ZMIZ1: variants seen among roughly 807,000 people sequenced by gnomAD.
ZMIZ1 encodes zinc finger MIZ domain-containing protein 1.
ZMIZ1 carries 17 observed loss-of-function variants against 113.9 expected under a neutral mutation model. The ratio of observed to expected loss-of-function variants is 0.15; its 90% CI spans 0.10 to 0.22. The LOEUF is 0.22. ZMIZ1 is among the 10% of genes least tolerant of loss of function. The pLI, the probability that ZMIZ1 is intolerant of heterozygous loss-of-function variation, is 1.00. For missense variants in ZMIZ1, 1,059 were observed against 1,477.8 expected, an observed-to-expected ratio of 0.72 and a Z score of 4.65; for synonymous variants, 607 against 603.1, an observed-to-expected ratio of 1.01 and a Z score of -0.09.
At chr10:79,104,582 T>C (rs1843486621) in intron 1 of ZMIZ1, among the ~76,000 whole-genome samples, 1 of 152,202 alleles carries the variant, frequency 6.6e-6, no homozygotes, top group South Asian at 2.1e-4. Context: ...ATGTCTTTGA[T>C]TTCCAGAGGT....
intron 3 of ZMIZ1, among the ~76,000 whole-genome samples, chr10:79,159,617 G>A (rs1846028573): frequency 6.6e-6 from 1 of 152,222 alleles, no homozygotes; most frequent in Non-Finnish European, 1.5e-5. Flanking sequence ...AATCAGGGAT[G>A]TCAGTGTCCA....
At chr10:79,280,933 C>T (rs74910155) in intron 8 of ZMIZ1, among the ~76,000 whole-genome samples, 1,901 of 152,308 alleles carry the variant, frequency 0.012, 40 homozygotes, top group African/African-American at 0.044. Context: ...GGAAGCTTTA[C>T]CTTATTAATT....
intron 4 of ZMIZ1, among the ~76,000 whole-genome samples, chr10:79,163,636 G>T (rs578185786): frequency 6.6e-6 from 1 of 152,362 alleles, no homozygotes; most frequent in African/African-American, 2.4e-5. Context: ...CTGGAATGGG[G>T]ATTTGAACCG....
At chr10:79,255,334 G>A (rs577627867) in intron 7 of ZMIZ1, among the ~76,000 whole-genome samples, 12 of 152,364 alleles carry the variant, frequency 7.9e-5, no homozygotes, top group African/African-American at 2.4e-4. Flanking sequence ...GGCAGGCAGT[G>A]CCTGGCCTGC....
chr10:79,245,865 G>A (rs188893281), intron 7 of ZMIZ1, among the ~76,000 whole-genome samples: 62 of 152,320 alleles, frequency 4.1e-4, no homozygotes, highest in Non-Finnish European at 1.6e-4. Flanking sequence ...AGTAGCCACC[G>A]AAGGCTGGTA....
chr10:79,108,654 C>G (rs1034807539), intron 1 of ZMIZ1, among the ~76,000 whole-genome samples: 1 of 152,078 alleles, frequency 6.6e-6, no homozygotes, highest in African/African-American at 2.4e-5. Flanking sequence ...CCAACCATCA[C>G]CCCCTAATAC....
At chr10:79,222,021 G>A (rs969164732) in intron 7 of ZMIZ1, among the ~76,000 whole-genome samples, 9 of 152,230 alleles carry the variant, frequency 5.9e-5, no homozygotes, top group African/African-American at 1.2e-4. Flanking sequence ...GAGACAGGTC[G>A]TCAGAACTCA....
Position 79,307,440 on chromosome 10 carries a change from C to A in ZMIZ1, c.2704C>A (p.Pro902Thr), listed in dbSNP as rs572054884. The change falls in exon 23 of 25, where the codon CCC becomes ACC. Residue 902 changes from proline to threonine, a missense_variant. Physicochemically the swap from Pro to Thr is conservative, Grantham distance 38 (BLOSUM62 -1). Transcript: ENST00000334512. ...NYQGHGNFDF[P>T]HGNPGGTSMN... is the part of the protein sequence containing the mutation. Reference sequence around the variant, plus strand: ...CCAAGGCCATGGCAACTTTGACTTCCCCCACGGGAACCCTGGAGGGACATC... The same window carrying A: ...CCAAGGCCATGGCAACTTTGACTTCACCCACGGGAACCCTGGAGGGACATC... 1 of 1,613,134 alleles carries A rather than the reference C, an allele frequency of 6.2e-7. No homozygotes were observed. The highest frequency in any genetic ancestry group is 2.2e-5 in the East Asian group (1 of 44,778).
At chr10:79,091,973 T>C (rs1029828444) in intron 1 of ZMIZ1, among the ~76,000 whole-genome samples, 4 of 151,940 alleles carry the variant, frequency 2.6e-5, no homozygotes, top group African/African-American at 9.7e-5. Context: ...GTCCCTGAGG[T>C]GTACTTCAGG....
intron 1 of ZMIZ1, among the ~76,000 whole-genome samples, chr10:79,099,084 C>A (rs1843266234): frequency 6.6e-6 from 1 of 152,152 alleles, no homozygotes; most frequent in East Asian, 1.9e-4. Context: ...GTCCTGAGAC[C>A]CAGCAAGGCC....
intron 13 of ZMIZ1, 56 bp from the exon 14 acceptor site, chr10:79,297,557 G>C: frequency 4.1e-6 from 6 of 1,464,596 alleles, no homozygotes; most frequent in South Asian, 2.3e-5. Context: ...GAGGGAGAGC[G>C]GGCTTCTGAT....
chr10:79,150,214 G>T (rs549163097), intron 3 of ZMIZ1, among the ~76,000 whole-genome samples: 2 of 151,688 alleles, frequency 1.3e-5, no homozygotes, highest in African/African-American at 4.8e-5. Context: ...GTGGCCACCC[G>T]CCCACCCAAC....
chr10:79,104,953 GTGTGT>G (rs1843500950), intron 1 of ZMIZ1, among the ~76,000 whole-genome samples: 13 of 68,608 alleles, frequency 1.9e-4, no homozygotes, highest in African/African-American at 6.5e-4. Context: ...GTTGTGGGGT[GTGTGT>G]GTGTGTGTGT....
At chr10:79,112,160 G>T (rs1288534813) in intron 1 of ZMIZ1, among the ~76,000 whole-genome samples, 1 of 152,192 alleles carries the variant, frequency 6.6e-6, no homozygotes, top group Non-Finnish European at 1.5e-5. Flanking sequence ...TGGCAGTGGG[G>T]AGTCAGGGCT....
At chr10:79,281,526 C>A (rs1852738944) in intron 8 of ZMIZ1, among the ~76,000 whole-genome samples, 1 of 152,236 alleles carries the variant, frequency 6.6e-6, no homozygotes, top group African/African-American at 2.4e-5. Flanking sequence ...CTGCCTCCAT[C>A]ACCATGGCCT....
chr10:79,084,092 C>T (rs118170872), intron 1 of ZMIZ1, among the ~76,000 whole-genome samples: 183 of 152,326 alleles, frequency 1.2e-3, no homozygotes, highest in Admixed American at 1.9e-3. Context: ...TGTTAGTCAT[C>T]CTCTATCCCG....
intron 7 of ZMIZ1, among the ~76,000 whole-genome samples, chr10:79,231,522 G>T (rs1046955984): frequency 1.3e-5 from 2 of 152,144 alleles, no homozygotes; most frequent in South Asian, 2.1e-4. Context: ...AAGATTATAG[G>T]TGTGAGCCAC....
chr10:79,300,938 G>T lies in ZMIZ1; in HGVS notation c.2015G>T (p.Cys672Phe). ...NTIQITVTAC[C>F]CSHLFVLQLV... The stretch of plus-strand genomic sequence containing the variant: ...ATCCAGATCACCGTCACGGCCTGCT[G>T]CTGCGTGAGTGTGGTGGGCCAGGGG... Residue 672 changes from cysteine (C) to phenylalanine (F), a missense_variant, in exon 17 of 25, where the codon TGC becomes TTC. Cys to Phe is a radical substitution (Grantham distance 205). Transcript: ENST00000334512. 6.2e-7 allele frequency: 1 copy of T among 1,609,326 alleles called. No homozygotes were observed.
intron 3 of ZMIZ1, among the ~76,000 whole-genome samples, chr10:79,155,409 C>T (rs1225898971): frequency 6.6e-6 from 1 of 152,242 alleles, no homozygotes; most frequent in East Asian, 1.9e-4. Flanking sequence ...TTTCTGAATC[C>T]TAGTTTGAAT....
Sources: gnomAD v4.1 joint callset for allele counts (sites outside exome capture counted in the v4.1 genomes callset) on GRCh38, gnomAD v4.1.1 for gene constraint, MANE v1.5 for transcripts, NCBI Gene and HGNC (gene_info 2026-07-23, HGNC 2026-07-21) for gene names.